Variants in AQP5 observed in about 807,000 individuals in gnomAD.
AQP5 encodes aquaporin-5.
AQP5 carries 15 observed loss-of-function variants against 19.1 expected under a neutral mutation model. That is an observed-to-expected ratio of 0.79 (90% CI 0.53 to 1.21). AQP5 has a LOEUF of 1.21. AQP5 is among the 50% of genes most tolerant of loss of function. The pLI, the probability that AQP5 is intolerant of heterozygous loss-of-function variation, is 0.00. For synonymous variants in AQP5, 182 were observed against 160.3 expected, an observed-to-expected ratio of 1.14 and a Z score of -1.02; for missense variants, 355 against 357.1, an observed-to-expected ratio of 0.99 and a Z score of 0.05.
chr12:49,963,671 C>T lies in AQP5; in HGVS notation c.528+15C>T. ...ACCTTGTCGGAGTGAGCAGTACCGA[C>T]ATTGGGCTGGGGTGAGGGTGGGGCA... is the stretch of plus-strand genomic sequence containing the variant. On this transcript the variant is annotated intron_variant, in intron 2 of 3. Coordinates refer to ENST00000293599, the MANE Select transcript of AQP5 (RefSeq NM_001651.4). The T allele has an allele frequency of 6.2e-7, 1 of 1,609,866 alleles. No homozygotes were observed. The highest frequency in any genetic ancestry group is 1.3e-5 in the African/African-American group (1 of 75,028).
Position 49,961,886 on chromosome 12 carries a change from G to A in AQP5, c.-132G>A, listed in dbSNP as rs1027035143. ...GGGCCCGCGCCAGGCCGCCAGCCTCGGAGTGGGCGCGGGACAGTGCGCGGC... is the reference window on the plus strand; with the variant it reads ...GGGCCCGCGCCAGGCCGCCAGCCTCAGAGTGGGCGCGGGACAGTGCGCGGC... On this transcript the variant is annotated 5_prime_UTR_variant, in exon 1 of 4. Transcript: ENST00000293599. 26 of 396,962 alleles carry A rather than the reference G, an allele frequency of 6.5e-5. No homozygotes were observed. Among genetic ancestry groups the A allele is most frequent in the African/African-American group, 5.6e-4 (25 of 45,042 alleles). 24.6% of individuals were successfully genotyped at this position (396,962 alleles called of 1,614,324 possible).
rs3832811 is a variant in AQP5, at chr12:49,962,391, T to TGGG, written c.363+19_363+21dup. On this transcript the variant is annotated intron_variant, in intron 1 of 3. Transcript: ENST00000293599. The stretch of plus-strand genomic sequence containing the variant: ...CTGGCCGTCAACGCGGTGAGTGCCC[T>TGGG]GGGGGGGGGGTGGGAGCCTCGACCC... 5.9e-6 allele frequency: 9 copies of TGGG among 1,537,126 alleles called. No individual in the cohort carries two copies. In the African/African-American group the frequency reaches 1.2e-4, roughly 20 times the overall value.
intron 1 of AQP5, 100 bp downstream of exon 1, chr12:49,962,480 C>A: frequency 2.1e-6 from 3 of 1,439,238 alleles, no homozygotes; most frequent in Non-Finnish European, 2.7e-6. Flanking sequence ...CAGAGTGGGC[C>A]AGCCCACACC....
At chr12:49,963,347 G>A in intron 1 of AQP5, 145 bp from the exon 2 acceptor site, 1 of 1,087,024 alleles carries the variant, frequency 9.2e-7, no homozygotes, top group Admixed American at 2.4e-5. Context: ...TTAACAAATG[G>A]CTTCGCTGGG....
In AQP5 at chr12:49,963,540, C is replaced by G; in HGVS notation, c.412C>G (p.Leu138Val). 6.2e-7 allele frequency: 1 copy of G among 1,613,954 alleles called. No homozygotes were observed. The highest frequency in any genetic ancestry group is 8.5e-7 in the Non-Finnish European group (1 of 1,180,034). The change falls in exon 2 of 4, where the codon CTG (leucine) becomes GTG (valine). Residue 138 changes from leucine (L) to valine (V), a missense_variant. Coordinates refer to ENST00000293599, the MANE Select transcript of AQP5 (RefSeq NM_001651.4). ...QGQAMVVELILTFQLALCIFA... is the reference protein window; with the variant it reads ...QGQAMVVELIVTFQLALCIFA... ...CCAGGCCATGGTGGTGGAGCTGATT[C>G]TGACCTTCCAGCTGGCACTCTGCAT...
At chr12:49,962,629 C>T (rs1036905435) in intron 1 of AQP5, 3 of 400,762 alleles carry the variant, frequency 7.5e-6, no homozygotes, top group Non-Finnish European at 1.3e-5. Flanking sequence ...TGCTACCCCT[C>T]CTCTCCTGCC....
intron 3 of AQP5, 81 bp from the exon 4 acceptor site, chr12:49,964,911 G>C (rs927627372): frequency 8.5e-6 from 13 of 1,538,048 alleles, no homozygotes; most frequent in Non-Finnish European, 9.6e-6. Context: ...GGGTCCGTGG[G>C]TCTGTCCTCT....
intron 2 of AQP5, 97 bp from the exon 3 acceptor site, chr12:49,963,995 T>G: frequency 7.9e-7 from 1 of 1,268,464 alleles, no homozygotes; most frequent in Non-Finnish European, 1.1e-6. Context: ...GAGACCTGGC[T>G]GAGCCCCTGG....
chr12:49,964,067 T>A, intron 2 of AQP5, 25 bp from the exon 3 acceptor site: 2 of 1,601,474 alleles, frequency 1.2e-6, no homozygotes, highest in Non-Finnish European at 1.7e-6. Flanking sequence ...GTTGCCTTTC[T>A]CTCCACCGCC....
chr12:49,962,750 G>C (rs188478315), intron 1 of AQP5: 1 of 209,928 alleles, frequency 4.8e-6, no homozygotes, highest in African/African-American at 2.3e-5. Context: ...AGAGAAAAGC[G>C]GGCTGTCATC....
At position 49,963,570 on chromosome 12, in the gene AQP5, G is replaced by C; in HGVS notation, c.442G>C (p.Ala148Pro). Residue 148 changes from alanine (A) to proline (P), a missense_variant, in exon 2 of 4, where the codon GCC becomes CCC. Physicochemically the swap from Ala to Pro is conservative, Grantham distance 27. Coordinates refer to ENST00000293599, the MANE Select transcript of AQP5 (RefSeq NM_001651.4). Reference sequence around the variant, plus strand: ...CTTCCAGCTGGCACTCTGCATCTTCGCCTCCACTGACTCCCGCCGCACCAG... The same window carrying C: ...CTTCCAGCTGGCACTCTGCATCTTCCCCTCCACTGACTCCCGCCGCACCAG... ...LTFQLALCIF[A>P]STDSRRTSPV... 1.2e-6 allele frequency: 2 copies of C among 1,613,728 alleles called. No individual in the cohort carries two copies. Among genetic ancestry groups the C allele is most frequent in the Non-Finnish European group, 1.7e-6 (2 of 1,180,026 alleles).
chr12:49,965,396 G>A lies in AQP5; in HGVS notation c.*219G>A. The A allele has an allele frequency of 2.0e-6, 1 of 502,894 alleles. No homozygotes were observed. The highest frequency in any genetic ancestry group is 3.2e-5 in the South Asian group (1 of 31,560). The allele number at this position is 502,894 out of a possible 1,614,324, so 31.2% of individuals were successfully genotyped here. A position where few individuals can be genotyped will look rare whatever the true frequency, so the allele number is the denominator to read the frequency against. On this transcript the variant is annotated 3_prime_UTR_variant, in exon 4 of 4. Transcript: ENST00000293599. ...GGGTCTGCTGGGGACAGGTCTCTCTGGGACAGACCTCAGAGATTGTGAATG... is the reference window on the plus strand; with the variant it reads ...GGGTCTGCTGGGGACAGGTCTCTCTAGGACAGACCTCAGAGATTGTGAATG...
intron 3 of AQP5, among the ~76,000 whole-genome samples, chr12:49,964,425 T>C (rs1251432485): frequency 6.6e-6 from 1 of 152,046 alleles, no homozygotes; most frequent in Non-Finnish European, 1.5e-5. Context: ...GAGGCTCTAC[T>C]GAACCTGGAG....
Position 49,962,036 on chromosome 12 carries a change from T to C in AQP5, c.19T>C (p.Ser7Pro). 1 of 1,591,180 alleles carries C rather than the reference T, an allele frequency of 6.3e-7. No individual in the cohort carries two copies. The highest frequency in any genetic ancestry group is 8.6e-7 in the Non-Finnish European group (1 of 1,163,954). The change falls in exon 1 of 4, where the codon TCC (serine) becomes CCC (proline). Residue 7 changes from serine (S) to proline (P), a missense_variant. Transcript: ENST00000293599. ...GGCCACCATGAAGAAGGAGGTGTGC[T>C]CCGTGGCCTTCCTCAAGGCCGTGTT... MKKEVC[S>P]VAFLKAVFAE...
chr12:49,964,784 G>GGTGTCTGTGGTCC (rs1947471459), intron 3 of AQP5: 1 of 985,292 alleles, frequency 1.0e-6, no homozygotes. Flanking sequence ...TGAGGGTCTA[G>GGTGTCTGTGGTCC]GTGTCTGTGG....
Position 49,965,137 on chromosome 12 carries a change from G to A in AQP5, c.758G>A (p.Arg253Gln), listed in dbSNP as rs200088878. Residue 253 changes from arginine to glutamine, a missense_variant, in exon 4 of 4, where the codon CGG becomes CAG. Arg to Gln is a conservative substitution (Grantham distance 43). Transcript: ENST00000293599. Reference protein sequence around the residue: ...YEPDEDWEEQREERKKTMELT... With the variant: ...YEPDEDWEEQQEERKKTMELT... Reference sequence around the variant, plus strand: ...CCTGACGAGGACTGGGAGGAGCAGCGGGAAGAGCGGAAGAAGACCATGGAG... The same window carrying A: ...CCTGACGAGGACTGGGAGGAGCAGCAGGAAGAGCGGAAGAAGACCATGGAG... 2.0e-4 allele frequency: 329 copies of A among 1,613,472 alleles called. 1 individual carries two copies. The highest frequency in any genetic ancestry group is 4.3e-4 in the South Asian group (39 of 91,044).
intron 1 of AQP5, among the ~76,000 whole-genome samples, chr12:49,963,099 C>T (rs866585849): frequency 6.6e-5 from 10 of 152,180 alleles, no homozygotes; most frequent in Non-Finnish European, 1.5e-4. Context: ...ACTGGAGAGA[C>T]GGGTTTAAGG....
rs141869523 is a variant in AQP5 at position 49,965,221 on chromosome 12, G to A, written c.*44G>A. 1.3e-6 allele frequency: 2 copies of A among 1,521,396 alleles called. No individual in the cohort carries two copies. The highest frequency in any genetic ancestry group is 2.4e-5 in the East Asian group (1 of 42,486). The allele number at this position is 1,521,396 out of a possible 1,614,324, so 94.2% of individuals were successfully genotyped here. A position where few individuals can be genotyped will look rare whatever the true frequency, so the allele number is the denominator to read the frequency against. ...CAGCCCCTCAGCCCCTGAGCCAAGG[G>A]GGAAAAGAAGAAAAAGTACCTAACA... On this transcript the variant is annotated 3_prime_UTR_variant, in exon 4 of 4. Coordinates refer to ENST00000293599, the MANE Select transcript of AQP5 (RefSeq NM_001651.4).
Position 49,962,125 on chromosome 12 carries a change from G to A in AQP5, c.108G>A (p.Pro36=), listed in dbSNP as rs777598357. The change falls in exon 1 of 4, where the codon CCG becomes CCA. Residue 36 remains proline (P), a synonymous_variant. Transcript: ENST00000293599. ...GCCTGGGCTCGGCCCTCAAGTGGCC[G>A]TCGGCGCTGCCTACCATCCTGCAGA... ...FFGLGSALKW[P]SALPTILQIA... 3 of 1,613,332 alleles carry A rather than the reference G, an allele frequency of 1.9e-6. No individual in the cohort carries two copies.
Sources: allele counts gnomAD v4.1 joint callset (sites outside exome capture counted in the v4.1 genomes callset), GRCh38; gene constraint gnomAD v4.1.1; transcripts MANE v1.5; gene names NCBI Gene and HGNC (gene_info 2026-07-23, HGNC 2026-07-21).